Variants in HSF1 observed in about 807,000 individuals in gnomAD.
The protein encoded by HSF1 is heat shock transcription factor 1, also known as heat shock factor protein 1.
In HSF1, 32 loss-of-function variants were observed where a neutral mutation model predicts 51.7. That is an observed-to-expected ratio of 0.62 (90% CI 0.47 to 0.83). The LOEUF (loss-of-function observed/expected upper bound fraction) is 0.83, where lower values mean the gene tolerates loss of function less well. Ranked by LOEUF, HSF1 falls within the 40% of genes least tolerant of loss-of-function variation. The probability of loss-of-function intolerance (pLI) is 0.00; values close to 1 mark genes in which losing one functional copy is unlikely to be tolerated. For missense variants in HSF1, 727 were observed against 717.0 expected, an observed-to-expected ratio of 1.01 and a Z score of -0.16; for synonymous variants, 396 against 309.7, an observed-to-expected ratio of 1.28 and a Z score of -2.92.
chr8:144,306,976 C>T (rs1816265498), intron 1 of HSF1, among the ~76,000 whole-genome samples: 1 of 152,042 alleles, frequency 6.6e-6, no homozygotes, highest in Non-Finnish European at 1.5e-5. Context: ...CAGTGGACAA[C>T]CCAACTGTAT....
chr8:144,311,580 C>T lies in HSF1; in HGVS notation c.702C>T (p.Val234=), dbSNP rs146718106. ...KYSRQFSLEH[V]HGSGPYSAPS... ...GCCGGCAGTTCTCCCTGGAGCACGTCCACGGCTCGGGCCCCTACTCGGTGA... is the reference window on the plus strand; with the variant it reads ...GCCGGCAGTTCTCCCTGGAGCACGTTCACGGCTCGGGCCCCTACTCGGTGA... The change falls in exon 7 of 13, where the codon GTC becomes GTT. Residue 234 remains valine (V), a synonymous_variant. Coordinates refer to ENST00000528838, the MANE Select transcript of HSF1 (RefSeq NM_005526.4). The T allele has an allele frequency of 6.2e-7, 1 of 1,613,634 alleles. No individual in the cohort carries two copies. The highest frequency in any genetic ancestry group is 8.5e-7 in the Non-Finnish European group (1 of 1,179,976).
chr8:144,312,015 C>T lies in HSF1; in HGVS notation c.913C>T (p.Pro305Ser), dbSNP rs1816701224. Residue 305 changes from proline to serine, a missense_variant, in exon 9 of 13, where the codon CCT (proline) becomes TCT (serine). Physicochemically the swap from Pro to Ser is moderately conservative, Grantham distance 74. Around this residue, in one of 2 missense-constraint regions of HSF1, gnomAD observed 470 missense variants for 398.8 expected, o/e 1.18. Coordinates refer to ENST00000528838, the MANE Select transcript of HSF1 (RefSeq NM_005526.4). Reference protein sequence around the residue: ...VRVKEEPPSPPQSPRVEEASP... With the variant: ...VRVKEEPPSPSQSPRVEEASP... ...TGTCAAGGAGGAGCCCCCCAGCCCG[C>T]CTCAGAGCCCCCGGGTAGAGGAGGC... The T allele has an allele frequency of 6.2e-7, 1 of 1,604,584 alleles. No homozygotes were observed. The highest frequency in any genetic ancestry group is 1.1e-5 in the South Asian group (1 of 90,534).
At chr8:144,308,703 C>T (rs1280960966) in intron 1 of HSF1, among the ~76,000 whole-genome samples, 2 of 152,222 alleles carry the variant, frequency 1.3e-5, no homozygotes, top group African/African-American at 4.8e-5. Context: ...ATGCAGGTCA[C>T]GCTGCACAGA....
chr8:144,313,089 C>G (rs1210860634), intron 9 of HSF1: 6 of 399,214 alleles, frequency 1.5e-5, no homozygotes, highest in Non-Finnish European at 1.9e-5. Context: ...GTCACAGCCA[C>G]CAGACCGTGG....
intron 1 of HSF1, among the ~76,000 whole-genome samples, chr8:144,298,295 T>G (rs1554841639): frequency 1.3e-5 from 2 of 152,104 alleles, no homozygotes; most frequent in Non-Finnish European, 1.5e-5. Context: ...GCTGAAAATG[T>G]TCAGACGTTA....
chr8:144,306,945 C>T (rs143850782), intron 1 of HSF1, among the ~76,000 whole-genome samples: 5 of 152,064 alleles, frequency 3.3e-5, no homozygotes, highest in South Asian at 4.2e-4. Context: ...GTGTTGGGGA[C>T]GCCTTCAGCA....
chr8:144,314,080 C>T, intron 12 of HSF1, 26 bp downstream of exon 12: 1 of 1,576,218 alleles, frequency 6.3e-7, no homozygotes, highest in African/African-American at 1.4e-5. Context: ...CCGGCCCCAC[C>T]TCTGCCCCCA....
chr8:144,306,022 G>A (rs937959655), intron 1 of HSF1, among the ~76,000 whole-genome samples: 5 of 151,914 alleles, frequency 3.3e-5, no homozygotes, highest in Admixed American at 2.0e-4. Flanking sequence ...GTGAGCCACC[G>A]CGCCCGGCCC....
chr8:144,305,723 A>ATTTTTTTTT (rs146075122), intron 1 of HSF1, among the ~76,000 whole-genome samples: 3 of 78,492 alleles, frequency 3.8e-5, no homozygotes, highest in African/African-American at 1.1e-4. Context: ...CCTCTGGTTA[A>ATTTTTTTTT]TTTTTTTTTT....
Position 144,314,290 on chromosome 8 carries a change from G to T in HSF1, c.1550G>T (p.Gly517Val), listed in dbSNP as rs926963767. ...GACCCCACCATCTCCCTGCTGACAG[G>T]CTCGGAGCCTCCCAAAGCCAAGGAC... ...AEDPTISLLT[G>V]SEPPKAKDPT... is the part of the protein sequence containing the mutation. Residue 517 changes from glycine to valine, a missense_variant, in exon 13 of 13, where the codon GGC becomes GTC. Gly to Val is a moderately radical substitution (Grantham distance 109, BLOSUM62 -3). Around this residue, in one of 2 missense-constraint regions of HSF1, gnomAD observed 470 missense variants for 398.8 expected, o/e 1.18. Coordinates refer to ENST00000528838, the MANE Select transcript of HSF1 (RefSeq NM_005526.4). 2.6e-6 allele frequency: 4 copies of T among 1,550,876 alleles called. No individual in the cohort carries two copies. Among genetic ancestry groups the T allele is most frequent in the Non-Finnish European group, 3.5e-6 (4 of 1,147,234 alleles).
chr8:144,307,120 C>T (rs1183268964), intron 1 of HSF1, among the ~76,000 whole-genome samples: 2 of 152,244 alleles, frequency 1.3e-5, no homozygotes, highest in African/African-American at 2.4e-5. Context: ...TATCTCAGAG[C>T]TTTTCAGAGC....
At chr8:144,311,878 G>A (rs782627437) in intron 8 of HSF1, 42 bp downstream of exon 8, 5 of 1,586,040 alleles carry the variant, frequency 3.2e-6, no homozygotes, top group South Asian at 1.2e-5. Flanking sequence ...CCCCAATGAG[G>A]CGAGCCCCTG....
chr8:144,299,080 G>A (rs930534988), intron 1 of HSF1, among the ~76,000 whole-genome samples: 4 of 152,290 alleles, frequency 2.6e-5, no homozygotes, highest in Non-Finnish European at 4.4e-5. Context: ...CTCCAATGCC[G>A]TGGAAACAAG....
At position 144,309,337 on chromosome 8, in the gene HSF1, G is replaced by A. The variant is rs560027507; in HGVS notation, c.227-118G>A. ...GCCACCCAGGCATGGGCTCTGAGGG[G>A]GCAGGGCAGGGTCTGACCATGGCCA... On this transcript the variant is annotated intron_variant, in intron 2 of 12. Transcript: ENST00000528838. 2.2e-5 allele frequency: 31 copies of A among 1,420,840 alleles called. No homozygotes were observed. In the East Asian group the frequency reaches 4.1e-4, roughly 19 times the overall value. The allele number at this position is 1,420,840 out of a possible 1,614,324, so 88.0% of individuals were successfully genotyped here.
chr8:144,300,557 T>C (rs573429837), intron 1 of HSF1, among the ~76,000 whole-genome samples: 4 of 152,310 alleles, frequency 2.6e-5, no homozygotes, highest in Middle Eastern at 6.8e-3. Context: ...TCTACCTCTT[T>C]GATCTTCCTC....
chr8:144,300,468 T>C (rs374126380), intron 1 of HSF1, among the ~76,000 whole-genome samples: 23 of 152,170 alleles, frequency 1.5e-4, no homozygotes, highest in East Asian at 7.7e-4. Flanking sequence ...CCGCCCACCT[T>C]GGCCTCCCAA....
rs782328317 is a variant in HSF1 at position 144,313,891 on chromosome 8, C to G, written c.1294C>G (p.Leu432Val). The change falls in exon 11 of 13, where the codon CTT becomes GTT. Residue 432 changes from leucine to valine, a missense_variant. Coordinates refer to ENST00000528838, the MANE Select transcript of HSF1 (RefSeq NM_005526.4). ...VTVPDMSLPD[L>V]DSSLASIQEL... Reference sequence around the variant, plus strand: ...CGTGCCCGACATGAGCCTGCCTGACCTTGACAGCAGCCTGGCCAGTGTGCG... The same window carrying G: ...CGTGCCCGACATGAGCCTGCCTGACGTTGACAGCAGCCTGGCCAGTGTGCG... 6.8e-6 allele frequency: 11 copies of G among 1,608,596 alleles called. No homozygotes were observed. Among genetic ancestry groups the G allele is most frequent in the Non-Finnish European group, 9.3e-6 (11 of 1,179,004 alleles).
intron 1 of HSF1, among the ~76,000 whole-genome samples, chr8:144,301,344 A>C (rs1389843165): frequency 6.6e-6 from 1 of 151,320 alleles, no homozygotes; most frequent in African/African-American, 2.4e-5. Context: ...ACCTGAGTGC[A>C]GGAGGTGGAG....
chr8:144,295,094 G>A (rs573342250), intron 1 of HSF1, among the ~76,000 whole-genome samples: 14 of 152,188 alleles, frequency 9.2e-5, no homozygotes, highest in Admixed American at 7.2e-4. Context: ...TCCCTGCCCC[G>A]TGCCCTGGTG....
Sources: gnomAD v4.1 joint callset for allele counts (sites outside exome capture counted in the v4.1 genomes callset) on GRCh38, gnomAD v4.1.1 for gene constraint, gnomAD v4.1.1 regional missense constraint, MANE v1.5 for transcripts, NCBI Gene and HGNC (gene_info 2026-07-23, HGNC 2026-07-21) for gene names.